The following GRIK1 variants were observed in gnomAD, a reference collection of about 807,000 sequenced individuals.
GRIK1 encodes the protein glutamate receptor ionotropic, kainate 1.
Under a neutral mutation model 105.7 loss-of-function variants are expected in GRIK1, and 69 were observed. That is an observed-to-expected ratio of 0.65 (90% CI 0.54 to 0.80). GRIK1 has a LOEUF of 0.80. Among genes scored for constraint, GRIK1 ranks in the 30% least tolerant of loss-of-function variants. The pLI, the probability that GRIK1 is intolerant of heterozygous loss-of-function variation, is 0.00. For missense variants in GRIK1, 1,109 were observed against 1,167.3 expected (o/e 0.95, Z 0.73); for synonymous variants, 438 against 431.3 (o/e 1.02, Z -0.19).
At chr21:29,817,172 C>A (rs1012606856) in intron 1 of GRIK1, among the ~76,000 whole-genome samples, 2 of 152,026 alleles carry the variant, frequency 1.3e-5, no homozygotes, top group Non-Finnish European at 1.5e-5. Context: ...CAACTTAAAG[C>A]AACTCTATCT....
At chr21:29,838,717 T>C (rs1002952105) in intron 1 of GRIK1, among the ~76,000 whole-genome samples, 2 of 152,222 alleles carry the variant, frequency 1.3e-5, no homozygotes, top group African/African-American at 4.8e-5. Context: ...AGTTTGATAC[T>C]GATTACAGCA....
intron 14 of GRIK1, among the ~76,000 whole-genome samples, chr21:29,562,706 G>A (rs2090512032): frequency 6.8e-6 from 1 of 146,834 alleles, no homozygotes; most frequent in Non-Finnish European, 1.5e-5. Context: ...GCCTTTTTAT[G>A]TGTATAATTT....
rs1555905563 is a variant in GRIK1, at chr21:29,888,198, T to TTTCTTTCTTTCTTTTCTTTCTTTCTTC, written c.118+51184_118+51185insGAAGAAAGAAAGAAAAGAAAGAAAGAA. 5.2e-5 allele frequency among the ~76,000 whole-genome samples: 2 copies of TTTCTTTCTTTCTTTTCTTTCTTTCTTC among 38,236 alleles called. 1 individual carries two copies. The highest frequency in any genetic ancestry group is 1.2e-4 in the Non-Finnish European group (2 of 16,216). The allele number at this position is 38,236 out of a possible 152,430, so 25.1% of individuals were successfully genotyped here. The stretch of plus-strand genomic sequence containing the variant: ...CTTTCTTTCTTCCTTTCTTTCTTTC[T>TTTCTTTCTTTCTTTTCTTTCTTTCTTC]CTCTCTCTCTCTCTCTCTCTCTCTC... On this transcript the variant is annotated intron_variant, in intron 1 of 17. Coordinates refer to ENST00000327783, the MANE Select transcript of GRIK1 (RefSeq NM_001330994.2).
At chr21:29,779,823 G>A (rs775384703) in intron 1 of GRIK1, among the ~76,000 whole-genome samples, 39 of 152,134 alleles carry the variant, frequency 2.6e-4, no homozygotes, top group Non-Finnish European at 4.0e-4. Flanking sequence ...AACAACTTTT[G>A]CTGGAGGTAT....
chr21:29,919,805 A>C (rs1465174808), intron 1 of GRIK1, among the ~76,000 whole-genome samples: 3 of 152,212 alleles, frequency 2.0e-5, no homozygotes, highest in Non-Finnish European at 4.4e-5. Context: ...TGCTAAAAAC[A>C]GTCCCTTTTA....
chr21:29,777,612 G>A (rs139049867), intron 1 of GRIK1, among the ~76,000 whole-genome samples: 52 of 152,256 alleles, frequency 3.4e-4, no homozygotes, highest in African/African-American at 1.2e-3. Flanking sequence ...TAGGTGAGGT[G>A]GCAAGCAGGG....
chr21:29,835,424 TC>T (rs1199663485), intron 1 of GRIK1, among the ~76,000 whole-genome samples: 1 of 152,192 alleles, frequency 6.6e-6, no homozygotes, highest in Non-Finnish European at 1.5e-5. Context: ...TTGTCTCTGG[TC>T]TTTTTTCTTT....
intron 1 of GRIK1, among the ~76,000 whole-genome samples, chr21:29,938,675 C>T (rs2071860903): frequency 6.6e-6 from 1 of 152,164 alleles, no homozygotes; most frequent in African/African-American, 2.4e-5. Flanking sequence ...GGAACTGGAT[C>T]TTGCTCAGTG....
At chr21:29,904,534 A>C (rs1457651380) in intron 1 of GRIK1, among the ~76,000 whole-genome samples, 1 of 152,196 alleles carries the variant, frequency 6.6e-6, no homozygotes, top group Non-Finnish European at 1.5e-5. Context: ...TGATCAGTGC[A>C]GGGTGTTCTC....
chr21:29,601,288 C>T lies in GRIK1; in HGVS notation c.1099-2351G>A, dbSNP rs191051100. 42 of 483,542 alleles carry T rather than the reference C, an allele frequency of 8.7e-5. 1 individual carries two copies. In the Middle Eastern group the frequency reaches 1.7e-3, roughly 19 times the overall value. The allele number at this position is 483,542 out of a possible 1,614,324, so 30.0% of individuals were successfully genotyped here. On this transcript the variant is annotated intron_variant, in intron 7 of 17. Coordinates refer to ENST00000327783, the MANE Select transcript of GRIK1 (RefSeq NM_001330994.2). ...AGGAGATTACATCATCGATGCTCTT[C>T]GTTCTCAGGCCTTTAGACTCAGACT... is the stretch of plus-strand genomic sequence containing the variant.
rs113711980 is a variant in GRIK1, at chr21:29,707,778, G to C, written c.119-13715C>G. On this transcript the variant is annotated intron_variant, in intron 1 of 17. Transcript: ENST00000327783. The stretch of plus-strand genomic sequence containing the variant: ...ATTACAGGCGTAAACCACCGCGCCT[G>C]GCCTGACTCTATCCTATTTTCTCCT... 6.5e-3 allele frequency among the ~76,000 whole-genome samples: 988 copies of C among 151,804 alleles called. 4 individuals carry two copies. The highest frequency in any genetic ancestry group is 0.023 in the African/African-American group (943 of 41,468).
chr21:29,872,376 G>T (rs9979963), intron 1 of GRIK1, among the ~76,000 whole-genome samples: 10,561 of 151,922 alleles, frequency 0.07, 942 homozygotes, highest in African/African-American at 0.21. Context: ...GTGTTTTTTA[G>T]TAGAGACGGG....
rs1201203728 is a variant in GRIK1 at position 29,588,892 on chromosome 21, C to T, written c.1516G>A (p.Ala506Thr). ...VKLVPDGKYGAQNDKGEWNGM... is the reference protein window; with the variant it reads ...VKLVPDGKYGTQNDKGEWNGM... The stretch of plus-strand genomic sequence containing the variant: ...TTCCACTCCCCTTTGTCATTCTGGG[C>T]CCCATATTTGCCATCGGGAACTAGT... Residue 506 changes from alanine (A) to threonine (T), a missense_variant, in exon 11 of 18, where the codon GCC (alanine) becomes ACC (threonine). Transcript: ENST00000327783. 6.2e-7 allele frequency: 1 copy of T among 1,610,458 alleles called. No homozygotes were observed. The highest frequency in any genetic ancestry group is 8.5e-7 in the Non-Finnish European group (1 of 1,176,656).
intron 1 of GRIK1, among the ~76,000 whole-genome samples, chr21:29,720,703 G>T (rs2064298551): frequency 6.6e-6 from 1 of 152,100 alleles, no homozygotes; most frequent in African/African-American, 2.4e-5. Context: ...TCACCTCCAT[G>T]AGAGATTACT....
intron 1 of GRIK1, among the ~76,000 whole-genome samples, chr21:29,745,689 A>G (rs975567802): frequency 2.6e-5 from 4 of 152,190 alleles, no homozygotes; most frequent in Non-Finnish European, 5.9e-5. Flanking sequence ...TTTAGCCTGA[A>G]TCTGGTATTT....
intron 1 of GRIK1, among the ~76,000 whole-genome samples, chr21:29,762,143 A>C (rs1001840637): frequency 1.3e-5 from 2 of 152,220 alleles, no homozygotes; most frequent in African/African-American, 4.8e-5. Context: ...CAATGTTCAC[A>C]GTTTCCTTCA....
chr21:29,655,491 C>T (rs7364108), intron 4 of GRIK1, among the ~76,000 whole-genome samples: 1 of 152,116 alleles, frequency 6.6e-6, no homozygotes, highest in African/African-American at 2.4e-5. Flanking sequence ...TTCCCACTGC[C>T]TAAGTGTCTG....
intron 1 of GRIK1, among the ~76,000 whole-genome samples, chr21:29,731,485 G>T (rs981500087): frequency 1.3e-5 from 2 of 152,102 alleles, no homozygotes; most frequent in Non-Finnish European, 2.9e-5. Context: ...TCAAATAAAT[G>T]CTTCAAGATC....
intron 1 of GRIK1, among the ~76,000 whole-genome samples, chr21:29,709,643 T>G (rs545628664): frequency 1.8e-4 from 27 of 152,268 alleles, no homozygotes; most frequent in African/African-American, 6.3e-4. Flanking sequence ...CATTTATATT[T>G]ATATCAGGAT....
Sources: allele counts gnomAD v4.1 joint callset (sites outside exome capture counted in the v4.1 genomes callset), GRCh38; gene constraint gnomAD v4.1.1; transcripts MANE v1.5; gene names NCBI Gene and HGNC (gene_info 2026-07-23, HGNC 2026-07-21).